The following NCMAP variants were observed in gnomAD, a reference collection of about 807,000 sequenced individuals.
NCMAP encodes non-compact myelin associated protein, also known as noncompact myelin-associated protein.
NCMAP carries 8 observed loss-of-function variants against 7.8 expected under a neutral mutation model. The observed-to-expected ratio is 1.02, with a 90% CI of 0.60 to 1.84. The LOEUF (loss-of-function observed/expected upper bound fraction) is 1.84, where lower values mean the gene tolerates loss of function less well. Among genes scored for constraint, NCMAP ranks in the 40% most tolerant of loss-of-function variants. NCMAP has a pLI of 0.00. For synonymous variants in NCMAP, 41 were observed against 52.9 expected, an observed-to-expected ratio of 0.78 and a Z score of 0.98; for missense variants, 112 against 131.4, an observed-to-expected ratio of 0.85 and a Z score of 0.72.
chr1:24,597,524 G>C (rs1387353389), intron 2 of NCMAP, among the ~76,000 whole-genome samples: 3 of 69,706 alleles, frequency 4.3e-5, no homozygotes, highest in Non-Finnish European at 9.1e-5. Context: ...AAGGAAGGGG[G>C]GGGGGGAGGG....
chr1:24,588,759 C>A (rs1373708881), intron 1 of NCMAP, among the ~76,000 whole-genome samples: 1 of 152,232 alleles, frequency 6.6e-6, no homozygotes, highest in Non-Finnish European at 1.5e-5. Flanking sequence ...GTGATCGAGG[C>A]TCTGCTGAAC....
chr1:24,593,675 G>A (rs974683180), intron 1 of NCMAP, among the ~76,000 whole-genome samples: 1 of 151,946 alleles, frequency 6.6e-6, no homozygotes, highest in Non-Finnish European at 1.5e-5. Flanking sequence ...TCTTTCTCCA[G>A]TAGATGGCTG....
At chr1:24,598,328 C>T (rs1032969539) in intron 2 of NCMAP, among the ~76,000 whole-genome samples, 3 of 152,068 alleles carry the variant, frequency 2.0e-5, no homozygotes, top group African/African-American at 7.2e-5. Context: ...CGCAACCAGT[C>T]CCCAAATCAA....
chr1:24,604,671 C>T (rs59480262), intron 3 of NCMAP, among the ~76,000 whole-genome samples: 51,067 of 91,292 alleles, frequency 0.56, 14,531 homozygotes, highest in Middle Eastern at 0.65. Flanking sequence ...AGATGAAATA[C>T]CATGAAGACA....
intron 1 of NCMAP, among the ~76,000 whole-genome samples, chr1:24,561,681 C>T (rs1386167928): frequency 2.6e-5 from 4 of 151,958 alleles, no homozygotes; most frequent in Non-Finnish European, 2.9e-5. Context: ...GAGACTGAGG[C>T]GGGCAGATCT....
At chr1:24,597,227 C>T (rs575299487) in intron 2 of NCMAP, among the ~76,000 whole-genome samples, 3 of 151,880 alleles carry the variant, frequency 2.0e-5, no homozygotes, top group South Asian at 2.1e-4. Context: ...GGTTCTTGGC[C>T]GGGCACAGTG....
intron 1 of NCMAP, among the ~76,000 whole-genome samples, chr1:24,578,291 C>G (rs1452504999): frequency 6.6e-6 from 1 of 150,654 alleles, no homozygotes; most frequent in Non-Finnish European, 1.5e-5. Flanking sequence ...TACCAATGAA[C>G]CTTCCTCTGT....
intron 1 of NCMAP, 64 bp from the exon 2 acceptor site, chr1:24,595,360 C>A: frequency 1.8e-6 from 2 of 1,119,966 alleles, no homozygotes; most frequent in Non-Finnish European, 1.3e-6. Flanking sequence ...CCAAAAGAGG[C>A]ATCAAGTAGC....
chr1:24,604,522 G>T (rs778295025), intron 3 of NCMAP, among the ~76,000 whole-genome samples: 5 of 133,284 alleles, frequency 3.8e-5, no homozygotes, highest in Non-Finnish European at 6.2e-5. Flanking sequence ...GCTGTAGTGA[G>T]CTGAGATTGT....
At chr1:24,593,200 T>G (rs1216373012) in intron 1 of NCMAP, among the ~76,000 whole-genome samples, 1 of 147,812 alleles carries the variant, frequency 6.8e-6, no homozygotes, top group Non-Finnish European at 1.5e-5. Flanking sequence ...AAAAAAGAAC[T>G]GGGCTGGGCA....
chr1:24,595,823 A>C (rs1570536356), intron 2 of NCMAP, among the ~76,000 whole-genome samples: 1 of 120,980 alleles, frequency 8.3e-6, no homozygotes, highest in Non-Finnish European at 1.7e-5. Flanking sequence ...TTTGAGATGG[A>C]GCACATGTCT....
In NCMAP at chr1:24,568,612, G is replaced by A. The variant is rs115942747; in HGVS notation, c.-8+12443G>A. Reference sequence around the variant, plus strand: ...TAGTATTAAACAGCAATCCCATGAAGAGGGTCCTGTTATTACCTCCACTTT... The same window carrying A: ...TAGTATTAAACAGCAATCCCATGAAAAGGGTCCTGTTATTACCTCCACTTT... On this transcript the variant is annotated intron_variant, in intron 1 of 3. Coordinates refer to ENST00000374392, the MANE Select transcript of NCMAP (RefSeq NM_001010980.5). Among the ~76,000 whole-genome samples, 1,391 of 152,248 alleles carry A rather than the reference G, an allele frequency of 9.1e-3. 20 individuals carry two copies. Among genetic ancestry groups the A allele is most frequent in the African/African-American group, 0.032 (1,344 of 41,530 alleles).
At chr1:24,604,941 C>T (rs1652669139) in intron 3 of NCMAP, among the ~76,000 whole-genome samples, 1 of 151,184 alleles carries the variant, frequency 6.6e-6, no homozygotes, top group Non-Finnish European at 1.5e-5. Context: ...ATGTTGAAAC[C>T]CCATCTCTAC....
intron 1 of NCMAP, among the ~76,000 whole-genome samples, chr1:24,577,930 G>A (rs973130636): frequency 8.6e-5 from 13 of 151,998 alleles, no homozygotes; most frequent in Non-Finnish European, 1.8e-4. Flanking sequence ...CTGCTGTTGC[G>A]CATTTTGTTT....
intron 3 of NCMAP, among the ~76,000 whole-genome samples, chr1:24,605,295 T>C (rs1652683538): frequency 6.6e-6 from 1 of 152,184 alleles, no homozygotes; most frequent in Non-Finnish European, 1.5e-5. Flanking sequence ...TAATACATGC[T>C]ACAACTTTGA....
chr1:24,596,108 C>G (rs1310600811), intron 2 of NCMAP, among the ~76,000 whole-genome samples: 1 of 151,922 alleles, frequency 6.6e-6, no homozygotes, highest in Non-Finnish European at 1.5e-5. Flanking sequence ...ATAGTGAAAC[C>G]CCATCTCTAC....
chr1:24,586,393 G>A (rs12138676), intron 1 of NCMAP, among the ~76,000 whole-genome samples: 35,173 of 152,170 alleles, frequency 0.23, 4,508 homozygotes, highest in African/African-American at 0.34. Flanking sequence ...GAGTCCTGGC[G>A]AATGGACAGC....
intron 2 of NCMAP, among the ~76,000 whole-genome samples, chr1:24,598,039 A>C (rs1652321185): frequency 6.6e-6 from 1 of 152,126 alleles, no homozygotes; most frequent in South Asian, 2.1e-4. Flanking sequence ...AAGATTAAAT[A>C]TCTTGCAATG....
rs573015276 is a variant in NCMAP at position 24,568,447 on chromosome 1, G to A, written c.-8+12278G>A. On this transcript the variant is annotated intron_variant, in intron 1 of 3. Transcript: ENST00000374392. ...CCTCGGTGATGCTAGATCCATTGCT[G>A]ATTTTAACCTCGATTCTCATGTGGC... 4.2e-4 allele frequency among the ~76,000 whole-genome samples: 64 copies of A among 152,262 alleles called. 1 individual carries two copies. Among genetic ancestry groups the A allele is most frequent in the African/African-American group, 1.5e-3 (63 of 41,550 alleles).
Sources: allele counts gnomAD v4.1 joint callset (sites outside exome capture counted in the v4.1 genomes callset), GRCh38; gene constraint gnomAD v4.1.1; transcripts MANE v1.5; gene names NCBI Gene and HGNC (gene_info 2026-07-23, HGNC 2026-07-21).